The following LINGO2 variants were observed in gnomAD, a reference collection of about 807,000 sequenced individuals.
LINGO2 encodes the protein leucine-rich repeat and immunoglobulin-like domain-containing nogo receptor-interacting protein 2.
LINGO2 carries 14 observed loss-of-function variants against 30.6 expected under a neutral mutation model. The ratio of observed to expected loss-of-function variants is 0.46; its 90% CI spans 0.30 to 0.72. The LOEUF (loss-of-function observed/expected upper bound fraction) is 0.72. Ranked by LOEUF, LINGO2 falls within the 30% of genes least tolerant of loss-of-function variation. The probability of loss-of-function intolerance (pLI) is 0.07; values close to 1 mark genes in which losing one functional copy is unlikely to be tolerated. For synonymous variants in LINGO2, 317 were observed against 288.5 expected (o/e 1.10, Z -1.00); for missense variants, 729 against 751.7 (o/e 0.97, Z 0.35).
chr9:29,081,336 G>C, the LINGO2 span, among the ~76,000 whole-genome samples: 2 of 152,026 alleles, frequency 1.3e-5, no homozygotes, highest in African/African-American at 4.8e-5. Context: ...AAAACCATAT[G>C]ATTATCTCCA....
chr9:29,153,649 A>G, the LINGO2 span, among the ~76,000 whole-genome samples: 1 of 152,208 alleles, frequency 6.6e-6, no homozygotes, highest in South Asian at 2.1e-4. Flanking sequence ...TCTTTTTGAA[A>G]AAATACACCC....
At chr9:28,918,364 A>G in the LINGO2 span, among the ~76,000 whole-genome samples, 2 of 152,338 alleles carry the variant, frequency 1.3e-5, no homozygotes, top group Non-Finnish European at 2.9e-5. Flanking sequence ...GAATTATGGG[A>G]GTACAATTCA....
the LINGO2 span, among the ~76,000 whole-genome samples, chr9:29,098,344 G>A: frequency 2.9e-4 from 44 of 152,130 alleles, no homozygotes; most frequent in Non-Finnish European, 5.9e-4. Flanking sequence ...GTGCTAAACA[G>A]TAGAATTAAA....
the LINGO2 span, among the ~76,000 whole-genome samples, chr9:28,964,547 C>G: frequency 6.6e-6 from 1 of 151,792 alleles, no homozygotes; most frequent in East Asian, 1.9e-4. Context: ...GGGTGTTATT[C>G]TGTAGGAATG....
chr9:28,447,521 T>C (rs1164396984), intron 2 of LINGO2, among the ~76,000 whole-genome samples: 1 of 152,270 alleles, frequency 6.6e-6, no homozygotes, highest in East Asian at 1.9e-4. Context: ...TGTATTTCAT[T>C]ATAGCAGCCC....
chr9:28,161,979 A>G (rs984958169), intron 4 of LINGO2, among the ~76,000 whole-genome samples: 7 of 152,170 alleles, frequency 4.6e-5, no homozygotes, highest in African/African-American at 1.7e-4. Context: ...GCAAAGGAGA[A>G]GTCATAGTCT....
chr9:28,018,352 A>T (rs1307162189), intron 4 of LINGO2, among the ~76,000 whole-genome samples: 1 of 152,230 alleles, frequency 6.6e-6, no homozygotes, highest in Non-Finnish European at 1.5e-5. Context: ...ACAAAAATTG[A>T]CAAATGGGAC....
chr9:28,171,516 T>C (rs1405603797), intron 4 of LINGO2, among the ~76,000 whole-genome samples: 1 of 152,038 alleles, frequency 6.6e-6, no homozygotes, highest in African/African-American at 2.4e-5. Flanking sequence ...TGGGAAGCTC[T>C]CAAGAACACT....
chr9:29,082,693 G>T, the LINGO2 span, among the ~76,000 whole-genome samples: 1 of 151,958 alleles, frequency 6.6e-6, no homozygotes, highest in Non-Finnish European at 1.5e-5. Context: ...CTGAGAAAGG[G>T]CTAATATCCA....
At chr9:28,235,128 G>A (rs1455475231) in intron 4 of LINGO2, among the ~76,000 whole-genome samples, 1 of 152,156 alleles carries the variant, frequency 6.6e-6, no homozygotes, top group Non-Finnish European at 1.5e-5. Context: ...GTGGCCACAA[G>A]GGTGCTTACA....
chr9:28,026,838 G>A (rs16912278), intron 4 of LINGO2, among the ~76,000 whole-genome samples: 18,196 of 152,078 alleles, frequency 0.12, 1,182 homozygotes, highest in South Asian at 0.22. Flanking sequence ...AGTTATAAGT[G>A]CCTCAGATGT....
intron 4 of LINGO2, among the ~76,000 whole-genome samples, chr9:28,040,210 G>A (rs966769423): frequency 1.3e-5 from 2 of 152,100 alleles, no homozygotes; most frequent in East Asian, 3.9e-4. Context: ...GAAGCTAGCT[G>A]CAGTCTCTTC....
At chr9:28,584,081 T>C (rs1406221922) in intron 1 of LINGO2, among the ~76,000 whole-genome samples, 1 of 152,016 alleles carries the variant, frequency 6.6e-6, no homozygotes, top group African/African-American at 2.4e-5. Context: ...TCCAGAACCA[T>C]GAGTCAGATA....
intron 4 of LINGO2, among the ~76,000 whole-genome samples, chr9:28,076,603 CTGA>C (rs1825630959): frequency 6.6e-6 from 1 of 151,666 alleles, no homozygotes; most frequent in African/African-American, 2.4e-5. Flanking sequence ...CAGATTTTCT[CTGA>C]TGTCAATTAT....
chr9:28,092,371 A>T (rs1191430544), intron 4 of LINGO2, among the ~76,000 whole-genome samples: 1 of 152,092 alleles, frequency 6.6e-6, no homozygotes, highest in Non-Finnish European at 1.5e-5. Flanking sequence ...CAGCCATAAA[A>T]AATGATGAGT....
chr9:29,145,251 T>C, the LINGO2 span, among the ~76,000 whole-genome samples: 1 of 152,170 alleles, frequency 6.6e-6, no homozygotes, highest in African/African-American at 2.4e-5. Context: ...GCACACATTA[T>C]GGTGATCCAG....
At chr9:28,081,657 G>A (rs374126188) in intron 4 of LINGO2, among the ~76,000 whole-genome samples, 7 of 152,126 alleles carry the variant, frequency 4.6e-5, no homozygotes, top group East Asian at 3.9e-4. Context: ...CTACTTACCC[G>A]CTGTATGACC....
chr9:28,482,674 G>A (rs965154566), intron 1 of LINGO2, among the ~76,000 whole-genome samples: 8 of 151,928 alleles, frequency 5.3e-5, no homozygotes, highest in Admixed American at 5.3e-4. Context: ...ATTGCTTTTG[G>A]TGTTTTAGAC....
chr9:28,469,828 T>A (rs967914405), intron 2 of LINGO2, among the ~76,000 whole-genome samples: 4 of 151,852 alleles, frequency 2.6e-5, no homozygotes, highest in Non-Finnish European at 5.9e-5. Flanking sequence ...CTAATAGGAG[T>A]CTTACAAGTT....
Sources: gnomAD v4.1 joint callset for allele counts (sites outside exome capture counted in the v4.1 genomes callset) on GRCh38, gnomAD v4.1.1 for gene constraint, MANE v1.5 for transcripts, NCBI Gene and HGNC (gene_info 2026-07-23, HGNC 2026-07-21) for gene names.